Variants in BRINP1 observed in about 807,000 individuals in gnomAD.
BRINP1 encodes BMP/retinoic acid-inducible neural-specific protein 1.
Under a neutral mutation model 72.9 loss-of-function variants are expected in BRINP1, and 17 were observed. The ratio of observed to expected loss-of-function variants is 0.23; its 90% CI spans 0.16 to 0.35. The LOEUF (loss-of-function observed/expected upper bound fraction) is 0.35. Among genes scored for constraint, BRINP1 ranks in the 10% least tolerant of loss-of-function variants. BRINP1 has a pLI of 1.00. For synonymous variants in BRINP1, 418 were observed against 378.5 expected, an observed-to-expected ratio of 1.10 and a Z score of -1.21; for missense variants, 850 against 1,001.6, an observed-to-expected ratio of 0.85 and a Z score of 2.04.
chr9:119,190,861 C>T (rs1204911319), intron 7 of BRINP1, among the ~76,000 whole-genome samples: 1 of 151,940 alleles, frequency 6.6e-6, no homozygotes, highest in Admixed American at 6.6e-5. Context: ...AAGAAAACTA[C>T]AGGCCAATGT....
At chr9:119,228,581 G>A (rs1406735645) in intron 5 of BRINP1, among the ~76,000 whole-genome samples, 5 of 152,032 alleles carry the variant, frequency 3.3e-5, no homozygotes, top group Admixed American at 1.3e-4. Flanking sequence ...GTGCATGTGT[G>A]CATGCAAGAT....
chr9:119,198,829 G>A (rs1228804552), intron 7 of BRINP1, among the ~76,000 whole-genome samples: 3 of 151,920 alleles, frequency 2.0e-5, no homozygotes, highest in East Asian at 1.9e-4. Flanking sequence ...GCATCACCAC[G>A]CCAGGCTGAT....
rs752108720 is a variant in BRINP1 at position 119,167,071 on chromosome 9, A to C, written c.*13T>G. On this transcript the variant is annotated 3_prime_UTR_variant, in exon 8 of 8. Transcript: ENST00000265922. The surrounding 1 kb of genome is among the most constrained non-coding windows in gnomAD (Gnocchi z 4.3). ...TACAACAACAGGAAAAGTCCATGGC[A>C]AGGAGTCCCGGGTTAGCAGAGTTTG... is the stretch of plus-strand genomic sequence containing the variant. The C allele has an allele frequency of 3.2e-6, 5 of 1,578,346 alleles. No homozygotes were observed. The highest frequency in any genetic ancestry group is 4.3e-6 in the Non-Finnish European group (5 of 1,159,376).
intron 1 of BRINP1, among the ~76,000 whole-genome samples, chr9:119,323,380 A>C (rs1408686413): frequency 1.3e-5 from 2 of 152,248 alleles, no homozygotes; most frequent in Non-Finnish European, 2.9e-5. Flanking sequence ...GGTAAAAGGA[A>C]TGTGTCCCCT....
At chr9:119,218,974 G>T (rs949058241) in intron 5 of BRINP1, among the ~76,000 whole-genome samples, 3 of 152,072 alleles carry the variant, frequency 2.0e-5, no homozygotes, top group African/African-American at 7.2e-5. Context: ...GAGGTCATGT[G>T]GGTGGTGCCC....
chr9:119,296,337 G>A (rs1243610740), intron 2 of BRINP1, among the ~76,000 whole-genome samples: 1 of 152,084 alleles, frequency 6.6e-6, no homozygotes, highest in African/African-American at 2.4e-5. Context: ...AAACCACAAT[G>A]AGCTATTACC....
chr9:119,353,543 C>T (rs560426851), intron 1 of BRINP1, among the ~76,000 whole-genome samples: 78 of 152,252 alleles, frequency 5.1e-4, no homozygotes, highest in African/African-American at 1.8e-3. Context: ...TATTCCACGT[C>T]TGCTTTATGT....
At chr9:119,199,657 A>G (rs568572097) in intron 7 of BRINP1, among the ~76,000 whole-genome samples, 1 of 152,278 alleles carries the variant, frequency 6.6e-6, no homozygotes, top group South Asian at 2.1e-4. Flanking sequence ...TTTGCTTCAC[A>G]ATACTCTAAT....
chr9:119,320,726 C>G (rs984494038), intron 1 of BRINP1, among the ~76,000 whole-genome samples: 1 of 152,152 alleles, frequency 6.6e-6, no homozygotes, highest in Non-Finnish European at 1.5e-5. Flanking sequence ...GAGACAGGGA[C>G]AGGGTGGGTT....
intron 6 of BRINP1, 41 bp from the exon 7 acceptor site, chr9:119,208,982 A>G (rs1423652243): frequency 4.6e-6 from 7 of 1,530,668 alleles, no homozygotes; most frequent in Non-Finnish European, 6.3e-6. Context: ...GCTAAGCATG[A>G]TAACACCCAT....
At chr9:119,251,527 G>A (rs1347297668) in intron 2 of BRINP1, among the ~76,000 whole-genome samples, 4 of 152,182 alleles carry the variant, frequency 2.6e-5, no homozygotes, top group Non-Finnish European at 5.9e-5. Flanking sequence ...AGGATCACTT[G>A]AACTCAGGAG....
chr9:119,297,909 C>T (rs956495983), intron 2 of BRINP1, among the ~76,000 whole-genome samples: 3 of 152,178 alleles, frequency 2.0e-5, no homozygotes, highest in Non-Finnish European at 4.4e-5. Flanking sequence ...GCAATGCAAC[C>T]TCCATTTTTC....
chr9:119,187,858 G>T (rs942092293), intron 7 of BRINP1, among the ~76,000 whole-genome samples: 1 of 151,940 alleles, frequency 6.6e-6, no homozygotes, highest in African/African-American at 2.4e-5. Flanking sequence ...TCAACAAAAA[G>T]ATATCATTAA....
At chr9:119,340,482 G>A (rs1236910328) in intron 1 of BRINP1, among the ~76,000 whole-genome samples, 2 of 151,982 alleles carry the variant, frequency 1.3e-5, no homozygotes, top group Non-Finnish European at 1.5e-5. Context: ...ACAGATCCAG[G>A]AGCTGCCCCA....
chr9:119,286,211 G>A lies in BRINP1; in HGVS notation c.218+26927C>T, dbSNP rs116499242. On this transcript the variant is annotated intron_variant, in intron 2 of 7. Coordinates refer to ENST00000265922, the MANE Select transcript of BRINP1 (RefSeq NM_014618.3). Reference sequence around the variant, plus strand: ...TATGATCTGCATAGCTGAGGGCATCGAGAGTGTTATCGCCATTATCTTTCA... The same window carrying A: ...TATGATCTGCATAGCTGAGGGCATCAAGAGTGTTATCGCCATTATCTTTCA... Among the ~76,000 whole-genome samples the A allele has an allele frequency of 7.6e-3, 1,153 of 151,698 alleles. 14 individuals are homozygous for A. Among genetic ancestry groups the A allele is most frequent in the African/African-American group, 0.026 (1,072 of 41,404 alleles).
intron 1 of BRINP1, among the ~76,000 whole-genome samples, chr9:119,338,361 T>C (rs1326398280): frequency 2.6e-5 from 4 of 151,788 alleles, no homozygotes; most frequent in Non-Finnish European, 4.4e-5. Flanking sequence ...CTAGATGCTG[T>C]TCCTGTTTTT....
At chr9:119,330,751 G>A (rs929960176) in intron 1 of BRINP1, among the ~76,000 whole-genome samples, 1 of 152,140 alleles carries the variant, frequency 6.6e-6, no homozygotes, top group Non-Finnish European at 1.5e-5. Flanking sequence ...ATCAAGGCTG[G>A]ATGCAGTGGC....
Position 119,338,469 on chromosome 9 carries a change from G to A in BRINP1, c.-50-25064C>T, listed in dbSNP as rs80073953. Among the ~76,000 whole-genome samples, 308 of 151,606 alleles carry A rather than the reference G, an allele frequency of 2.0e-3. 3 individuals carry two copies. In the East Asian group the frequency reaches 0.041, roughly 20 times the overall value. On this transcript the variant is annotated intron_variant, in intron 1 of 7. Coordinates refer to ENST00000265922, the MANE Select transcript of BRINP1 (RefSeq NM_014618.3). ...CAATGATAGGTGTTTTTCCCCTCAC[G>A]GCCTCTCCCGGGACACCTTACTCTG...
At chr9:119,277,882 T>A (rs1300727682) in intron 2 of BRINP1, among the ~76,000 whole-genome samples, 2 of 152,196 alleles carry the variant, frequency 1.3e-5, no homozygotes, top group African/African-American at 4.8e-5. Context: ...CTCAAACCCC[T>A]TGCTTGATAT....
Sources: gnomAD v4.1 joint callset for allele counts (sites outside exome capture counted in the v4.1 genomes callset) on GRCh38, gnomAD v4.1.1 for gene constraint, Gnocchi (gnomAD v3.1) non-coding constraint, MANE v1.5 for transcripts, NCBI Gene and HGNC (gene_info 2026-07-23, HGNC 2026-07-21) for gene names.